The following ZSCAN5C variants were observed in gnomAD, a reference collection of about 807,000 sequenced individuals.
ZSCAN5C encodes the protein zinc finger and SCAN domain containing 5C, also known as zinc finger and SCAN domain-containing protein 5C.
Under a neutral mutation model 17.3 loss-of-function variants are expected in ZSCAN5C, and 11 were observed. The ratio of observed to expected loss-of-function variants is 0.64; its 90% CI spans 0.40 to 1.06. The LOEUF is 1.06. ZSCAN5C is among the 50% of genes least tolerant of loss of function. The pLI is 0.00. For synonymous variants in ZSCAN5C, 229 were observed against 208.4 expected (o/e 1.10, Z -0.85); for missense variants, 698 against 538.9 (o/e 1.30, Z -2.92).
rs1568592320 is a variant in ZSCAN5C, at chr19:56,209,196, AG to A, written c.1488del (p.Gln496HisfsTer?). ...AAAACACATCGAGAAGCCACTTCACAGTGACTTCACCATCGGGTCTGTCTTC... is the reference window on the plus strand; with the variant it reads ...AAAACACATCGAGAAGCCACTTCACATGACTTCACCATCGGGTCTGTCTTC... On this transcript the variant is annotated frameshift_variant, in exon 5 of 5. Coordinates refer to ENST00000534327, the Ensembl canonical transcript of ZSCAN5C. LOFTEE classifies it high-confidence loss of function. 1.8e-5 allele frequency: 14 copies of A among 782,456 alleles called. No homozygotes were observed. 48.5% of individuals were successfully genotyped at this position (782,456 alleles called of 1,614,324 possible). A position where few individuals can be genotyped will look rare whatever the true frequency, so the allele number is the denominator to read the frequency against.
chr19:56,205,343 A>G (rs956358824), intron 1 of ZSCAN5C, among the ~76,000 whole-genome samples: 7 of 151,762 alleles, frequency 4.6e-5, no homozygotes, highest in Non-Finnish European at 8.8e-5. Flanking sequence ...TGGGATTAAG[A>G]GGGTTTGTTG....
At chr19:56,207,929 C>T (rs2032941965) in intron 3 of ZSCAN5C, 105 bp from the exon 4 acceptor site, 12 of 626,132 alleles carry the variant, frequency 1.9e-5, no homozygotes, top group Non-Finnish European at 3.4e-5. Flanking sequence ...AAAACCACCA[C>T]ACCTGTGTCA....
chr19:56,205,771 C>T lies in ZSCAN5C; in HGVS notation c.-127-16C>T. 1 of 585,326 alleles carries T rather than the reference C, an allele frequency of 1.7e-6. No individual in the cohort carries two copies. Among genetic ancestry groups the T allele is most frequent in the South Asian group, 2.2e-5 (1 of 45,450 alleles). The allele number at this position is 585,326 out of a possible 1,614,324, so 36.3% of individuals were successfully genotyped here. On this transcript the variant is annotated splice_polypyrimidine_tract_variant and intron_variant, in intron 1 of 4. Transcript: ENST00000534327. ...AGTAGAAACTTTAACAGAGCTCATG[C>T]TTTTTTTCCCTGCAGACTTCTGAAT...
exon 5 of ZSCAN5C, chr19:56,208,830 A>T (rs547597745): frequency 1.9e-6 from 3 of 1,556,540 alleles, no homozygotes; most frequent in African/African-American, 2.7e-5. Context: ...TTAGCCGTCC[A>T]CACGAGATCA....
downstream of ZSCAN5C, chr19:56,209,362 G>A (rs74548837): frequency 4.1e-6 from 2 of 493,400 alleles, no homozygotes; most frequent in South Asian, 4.3e-5. Flanking sequence ...CCTCCCCGGG[G>A]GAATTTTGGT....
At position 56,207,715 on chromosome 19, in the gene ZSCAN5C, G is replaced by A. The variant is rs932069738; in HGVS notation, c.589-319G>A. On this transcript the variant is annotated intron_variant, in intron 3 of 4. Transcript: ENST00000534327. ...GACATTTTTGTTGTCATTGTAGGGGGTGGTGGGGTGTTGATAGCATCTAGA... is the reference window on the plus strand; with the variant it reads ...GACATTTTTGTTGTCATTGTAGGGGATGGTGGGGTGTTGATAGCATCTAGA... Among the ~76,000 whole-genome samples the A allele has an allele frequency of 7.2e-5, 11 of 151,916 alleles. No homozygotes were observed. The East Asian group carries it at 7.7e-4, about 11-fold the overall frequency.
rs140150496 is a variant in ZSCAN5C at position 56,208,724 on chromosome 19, G to A, written c.1015G>A (p.Ala339Thr). ...CAATCCAGTTCATTCCCCAGGCCCTGCGGGCCCAGTCAGTCACCCCAGTGG... is the reference window on the plus strand; with the variant it reads ...CAATCCAGTTCATTCCCCAGGCCCTACGGGCCCAGTCAGTCACCCCAGTGG... Residue 339 changes from alanine (A) to threonine (T), a missense_variant, in exon 5 of 5, where the codon GCG (alanine) becomes ACG (threonine). Ala to Thr is a moderately conservative substitution (Grantham distance 58). Transcript: ENST00000534327. 6,991 of 1,612,294 alleles carry A rather than the reference G, an allele frequency of 4.3e-3. 36 individuals carry two copies. The highest frequency in any genetic ancestry group is 4.9e-3 in the Non-Finnish European group (5,742 of 1,178,720).
rs895297644 is a variant in ZSCAN5C, at chr19:56,202,861, A to G, written c.-128+539A>G. ...TGAGCCACCTTGCTGGCCACACACC[A>G]CTTGTTAAAAAGCATCGCTGGATTC... On this transcript the variant is annotated intron_variant, in intron 1 of 4. Transcript: ENST00000534327. 2.2e-4 allele frequency among the ~76,000 whole-genome samples: 33 copies of G among 151,966 alleles called. 1 individual carries two copies. Among genetic ancestry groups the G allele is most frequent in the African/African-American group, 7.8e-4 (32 of 41,228 alleles).
chr19:56,208,862 C>G, exon 5 of ZSCAN5C: 1 of 1,574,184 alleles, frequency 6.4e-7, no homozygotes, highest in South Asian at 1.1e-5. Flanking sequence ...GAGACTCTTT[C>G]AGTGTAATCT....
exon 3 of ZSCAN5C, chr19:56,207,090 T>A (rs1463246196): frequency 8.1e-6 from 6 of 741,044 alleles, no homozygotes; most frequent in Non-Finnish European, 1.5e-5. Flanking sequence ...AAGGAATATC[T>A]TATGCAGGAA....
At chr19:56,204,210 T>G (rs2032898440) in intron 1 of ZSCAN5C, among the ~76,000 whole-genome samples, 2 of 151,180 alleles carry the variant, frequency 1.3e-5, no homozygotes, top group African/African-American at 4.9e-5. Context: ...CGTCCTGATT[T>G]CCTTTCCTCT....
At position 56,208,849 on chromosome 19, in the gene ZSCAN5C, C is replaced by T. The variant is rs1275724498; in HGVS notation, c.1140C>T (p.Gly380=). Residue 380 remains glycine (G), a synonymous_variant, in exon 5 of 5, where the codon GGC becomes GGT. Coordinates refer to ENST00000534327, the Ensembl canonical transcript of ZSCAN5C. Reference sequence around the variant, plus strand: ...CCGTCCACACGAGATCACACACAGGCGAGAGACTCTTTCAGTGTAATCTCT... The same window carrying T: ...CCGTCCACACGAGATCACACACAGGTGAGAGACTCTTTCAGTGTAATCTCT... The T allele has an allele frequency of 1.7e-5, 27 of 1,559,164 alleles. 1 individual carries two copies. The highest frequency in any genetic ancestry group is 1.3e-4 in the East Asian group (6 of 44,608).
exon 3 of ZSCAN5C, chr19:56,207,159 C>G (rs1378851576): frequency 1.3e-6 from 1 of 778,548 alleles, no homozygotes. Context: ...AGACACGTGT[C>G]CAGCCAGCGG....
At chr19:56,207,345 G>A (rs1383424893) in intron 3 of ZSCAN5C, 83 bp downstream of exon 3, 2 of 644,272 alleles carry the variant, frequency 3.1e-6, no homozygotes, top group Non-Finnish European at 5.7e-6. Flanking sequence ...CTGATTGAGA[G>A]ATTTGGCACA....
At chr19:56,203,807 G>A (rs1370080887) in intron 1 of ZSCAN5C, among the ~76,000 whole-genome samples, 1 of 151,290 alleles carries the variant, frequency 6.6e-6, no homozygotes, top group East Asian at 1.9e-4. Flanking sequence ...GTGCCACCAA[G>A]CCTGGCTAAT....
intron 1 of ZSCAN5C, 39 bp from the exon 2 acceptor site, chr19:56,205,748 T>G: frequency 3.5e-6 from 2 of 569,464 alleles, no homozygotes; most frequent in South Asian, 2.4e-5. Context: ...GTGGGTAGAG[T>G]AGAAACTTTA....
chr19:56,207,611 A>G (rs1227774435), intron 3 of ZSCAN5C, among the ~76,000 whole-genome samples: 1 of 151,872 alleles, frequency 6.6e-6, no homozygotes, highest in Non-Finnish European at 1.5e-5. Context: ...CACCTCCTAC[A>G]GATTGTCAAT....
exon 5 of ZSCAN5C, chr19:56,209,177 C>A: frequency 1.1e-6 from 1 of 923,448 alleles, no homozygotes; most frequent in Non-Finnish European, 1.7e-6. Flanking sequence ...CCAGAAAACA[C>A]ATCGAGAAGC....
chr19:56,207,122 G>A (rs775380981), exon 3 of ZSCAN5C: 1 of 755,572 alleles, frequency 1.3e-6, no homozygotes, highest in South Asian at 1.4e-5. Context: ...GATGGCTGAA[G>A]CCCCCGCCAG....
Sources: gnomAD v4.1 joint callset for allele counts (sites outside exome capture counted in the v4.1 genomes callset) on GRCh38, gnomAD v4.1.1 for gene constraint, MANE v1.5 for transcripts, NCBI Gene and HGNC (gene_info 2026-07-23, HGNC 2026-07-21) for gene names.